EEPD1: variants seen among roughly 807,000 people sequenced by gnomAD.
EEPD1 encodes the protein endonuclease/exonuclease/phosphatase family domain containing 1.
EEPD1 carries 17 observed loss-of-function variants against 46.3 expected under a neutral mutation model. The ratio of observed to expected loss-of-function variants is 0.37; its 90% confidence interval spans 0.25 to 0.55. The LOEUF is 0.55. Ranked by LOEUF, EEPD1 falls within the 20% of genes least tolerant of loss-of-function variation. EEPD1 has a pLI of 0.83. For missense variants in EEPD1, 673 were observed against 745.6 expected, an observed-to-expected ratio of 0.90 and a Z score of 1.13; for synonymous variants, 313 against 315.6, an observed-to-expected ratio of 0.99 and a Z score of 0.09.
Position 36,300,866 on chromosome 7 carries a change from G to A in EEPD1, c.*1660G>A, listed in dbSNP as rs933166100. The A allele has an allele frequency of 6.6e-6, 1 of 152,352 alleles. No individual in the cohort carries two copies. The highest frequency in any genetic ancestry group is 1.5e-5 in the Non-Finnish European group (1 of 68,148). 9.4% of individuals were successfully genotyped at this position (152,352 alleles called of 1,614,324 possible). On this transcript the variant is annotated 3_prime_UTR_variant, in exon 8 of 8. Coordinates refer to ENST00000242108, the MANE Select transcript of EEPD1 (RefSeq NM_030636.3). ...GGAGGGCGGCAGCTCCTGTCCCTGG[G>A]TTCAGGCTGTGCTTCTGGAAGCATC...
intron 6 of EEPD1, among the ~76,000 whole-genome samples, chr7:36,296,105 C>T (rs1470251478): frequency 6.6e-6 from 1 of 150,724 alleles, no homozygotes; most frequent in Admixed American, 6.6e-5. Context: ...TGGGAACAGC[C>T]TTAAAAGTGA....
intron 3 of EEPD1, among the ~76,000 whole-genome samples, chr7:36,239,500 A>G (rs1262183286): frequency 6.6e-6 from 1 of 152,170 alleles, no homozygotes; most frequent in Admixed American, 6.5e-5. Flanking sequence ...TTGAATCCCA[A>G]TAGTTCCATT....
intron 2 of EEPD1, among the ~76,000 whole-genome samples, chr7:36,172,339 A>G (rs1562673168): frequency 6.6e-6 from 1 of 152,180 alleles, no homozygotes; most frequent in Non-Finnish European, 1.5e-5. Context: ...TCATACCCTG[A>G]GAGAAGGAAT....
chr7:36,160,037 T>C (rs1297692040), intron 2 of EEPD1, among the ~76,000 whole-genome samples: 1 of 152,216 alleles, frequency 6.6e-6, no homozygotes, highest in African/African-American at 2.4e-5. Flanking sequence ...GTGACTTTTG[T>C]TTTACAAGGA....
intron 5 of EEPD1, among the ~76,000 whole-genome samples, chr7:36,285,312 G>A (rs759846290): frequency 1.3e-5 from 2 of 152,126 alleles, no homozygotes; most frequent in Admixed American, 6.5e-5. Flanking sequence ...CCTTCTTATC[G>A]GCTGCATCTC....
chr7:36,235,111 C>CT (rs1786410603), intron 2 of EEPD1, among the ~76,000 whole-genome samples: 2 of 144,972 alleles, frequency 1.4e-5, no homozygotes, highest in African/African-American at 5.3e-5. Flanking sequence ...AGGCCTTCCC[C>CT]ACAGCCTCCA....
chr7:36,285,058 G>A (rs548508531), intron 5 of EEPD1, among the ~76,000 whole-genome samples: 4 of 152,122 alleles, frequency 2.6e-5, no homozygotes, highest in African/African-American at 7.2e-5. Flanking sequence ...AGCAGGAGAG[G>A]GGGGAAGGAG....
At chr7:36,255,263 G>A (rs181548122) in intron 3 of EEPD1, among the ~76,000 whole-genome samples, 10 of 152,188 alleles carry the variant, frequency 6.6e-5, no homozygotes, top group Admixed American at 4.6e-4. Context: ...GGATTTTTAT[G>A]GTTTTAGGTC....
chr7:36,172,771 G>T (rs1785109531), intron 2 of EEPD1, among the ~76,000 whole-genome samples: 1 of 150,568 alleles, frequency 6.6e-6, no homozygotes, highest in South Asian at 2.1e-4. Context: ...CCTTAAGTCA[G>T]TGTTTCTGTG....
intron 3 of EEPD1, among the ~76,000 whole-genome samples, chr7:36,265,576 C>A (rs952900470): frequency 6.6e-6 from 1 of 152,198 alleles, no homozygotes; most frequent in Admixed American, 6.5e-5. Flanking sequence ...TTAATCCTTT[C>A]CCCCTTTGTG....
At chr7:36,220,100 A>G (rs938412688) in intron 2 of EEPD1, among the ~76,000 whole-genome samples, 1 of 152,164 alleles carries the variant, frequency 6.6e-6, no homozygotes, top group Non-Finnish European at 1.5e-5. Flanking sequence ...TCCCCACAGT[A>G]GATGCAGAAA....
intron 6 of EEPD1, among the ~76,000 whole-genome samples, chr7:36,294,971 A>T (rs554075656): frequency 1.3e-5 from 2 of 152,114 alleles, no homozygotes; most frequent in South Asian, 4.2e-4. Flanking sequence ...TGAGGTCAGG[A>T]GTTCAAGACC....
intron 3 of EEPD1, among the ~76,000 whole-genome samples, chr7:36,251,139 C>T (rs1048644149): frequency 6.6e-6 from 1 of 152,222 alleles, no homozygotes; most frequent in African/African-American, 2.4e-5. Context: ...GGTTTATAGA[C>T]ATCTATGCTC....
chr7:36,290,018 G>A (rs1787403990), intron 6 of EEPD1, among the ~76,000 whole-genome samples: 1 of 152,224 alleles, frequency 6.6e-6, no homozygotes, highest in Non-Finnish European at 1.5e-5. Context: ...GCTAAAAACA[G>A]TCAGAAGATG....
At chr7:36,163,873 A>G (rs1442185193) in intron 2 of EEPD1, among the ~76,000 whole-genome samples, 1 of 136,414 alleles carries the variant, frequency 7.3e-6, no homozygotes, top group Non-Finnish European at 1.6e-5. Context: ...GCAAGACTCC[A>G]TCTCAGGAAG....
At chr7:36,263,835 G>A (rs1045533834) in intron 3 of EEPD1, among the ~76,000 whole-genome samples, 4 of 152,114 alleles carry the variant, frequency 2.6e-5, no homozygotes, top group African/African-American at 9.7e-5. Flanking sequence ...GCTATGTATC[G>A]ATTGTTTTGT....
In EEPD1 at chr7:36,155,799, C is replaced by T. The variant is rs867852477; in HGVS notation, c.878+597C>T. ...TGTGTAACCTTTTCTGTGCCATAGC[C>T]AGAAAAAAGCAAGCTGACGTGTGTG... On this transcript the variant is annotated intron_variant, in intron 2 of 7. Coordinates refer to ENST00000242108, the MANE Select transcript of EEPD1 (RefSeq NM_030636.3). Among the ~76,000 whole-genome samples, 4 of 152,136 alleles carry T rather than the reference C, an allele frequency of 2.6e-5. No individual in the cohort carries two copies. The Middle Eastern group carries it at 0.014, about 517-fold the overall frequency.
At chr7:36,276,010 CA>C (rs1554321457) in intron 3 of EEPD1, among the ~76,000 whole-genome samples, 1 of 152,184 alleles carries the variant, frequency 6.6e-6, no homozygotes, top group Non-Finnish European at 1.5e-5. Context: ...TAAATGCCAG[CA>C]CCTTGTACAT....
At chr7:36,258,798 G>T (rs1786866567) in intron 3 of EEPD1, among the ~76,000 whole-genome samples, 1 of 151,640 alleles carries the variant, frequency 6.6e-6, no homozygotes. Flanking sequence ...CCCCTTGGCT[G>T]CCTGGCTTCA....
Sources: gnomAD v4.1 joint callset for allele counts (sites outside exome capture counted in the v4.1 genomes callset) on GRCh38, gnomAD v4.1.1 for gene constraint, MANE v1.5 for transcripts, NCBI Gene and HGNC (gene_info 2026-07-23, HGNC 2026-07-21) for gene names.